MTRES1: variants seen among roughly 807,000 people sequenced by gnomAD.
MTRES1 encodes the protein uncharacterized protein C6orf203.
A neutral mutation model predicts 17.4 loss-of-function variants in MTRES1; 11 were observed. That is an observed-to-expected ratio of 0.63 (90% CI 0.40 to 1.05). The LOEUF is 1.05. MTRES1 is among the 50% of genes least tolerant of loss of function. The pLI is 0.00. For synonymous variants in MTRES1, 94 were observed against 99.6 expected (o/e 0.94, Z 0.34); for missense variants, 268 against 276.2 (o/e 0.97, Z 0.21).
Position 107,037,095 on chromosome 6 carries a change from A to G in MTRES1, c.-12-2654A>G, listed in dbSNP as rs528952505. On this transcript the variant is annotated intron_variant, in intron 1 of 3. Coordinates refer to ENST00000311381, the MANE Select transcript of MTRES1 (RefSeq NM_016487.5). ...CGCCTAGCCTAGTTACCTTTAAAAA[A>G]AAAGTTTTTTTAATTGTACTAATCA... Among the ~76,000 whole-genome samples, 15 of 152,192 alleles carry G rather than the reference A, an allele frequency of 9.9e-5. No individual in the cohort carries two copies. The East Asian group carries it at 2.9e-3, about 29-fold the overall frequency.
Position 107,030,677 on chromosome 6 carries a change from C to T in MTRES1, c.-13+2406C>T, listed in dbSNP as rs909532841. ...GCCTAGAATGTGCCAAAATTTCCGC[C>T]GCCCAGAAAAAAAGCAGGTGTTTAG... is the stretch of plus-strand genomic sequence containing the variant. On this transcript the variant is annotated intron_variant, in intron 1 of 3. Coordinates refer to ENST00000311381, the MANE Select transcript of MTRES1 (RefSeq NM_016487.5). Among the ~76,000 whole-genome samples, 10 of 152,206 alleles carry T rather than the reference C, an allele frequency of 6.6e-5. No individual in the cohort carries two copies. In the South Asian group the frequency reaches 1.0e-3, roughly 16 times the overall value.
chr6:107,047,713 C>T lies in MTRES1; in HGVS notation c.544-3344C>T, dbSNP rs1774438983. On this transcript the variant is annotated intron_variant, in intron 3 of 3. Coordinates refer to ENST00000311381, the MANE Select transcript of MTRES1 (RefSeq NM_016487.5). ...CAGCCTGGCCAACATGGTGAAACCC[C>T]ATCTCTACTAAAAATACAGAAAGTT... is the stretch of plus-strand genomic sequence containing the variant. Among the ~76,000 whole-genome samples the T allele has an allele frequency of 2.0e-5, 3 of 151,854 alleles. No homozygotes were observed. The South Asian group carries it at 6.3e-4, about 32-fold the overall frequency.
Position 107,043,518 on chromosome 6 carries a change from A to C in MTRES1, c.471-742A>C, listed in dbSNP as rs1484452135. On this transcript the variant is annotated intron_variant, in intron 2 of 3. Coordinates refer to ENST00000311381, the MANE Select transcript of MTRES1 (RefSeq NM_016487.5). ...GAAAACTTAACTACTAATATAGCCTACTGTTGACCAAAGGCCTTACTGATA... is the reference window on the plus strand; with the variant it reads ...GAAAACTTAACTACTAATATAGCCTCCTGTTGACCAAAGGCCTTACTGATA... Among the ~76,000 whole-genome samples, 17 of 152,318 alleles carry C rather than the reference A, an allele frequency of 1.1e-4. No individual in the cohort carries two copies. In the South Asian group the frequency reaches 3.3e-3, roughly 30 times the overall value.
intron 1 of MTRES1, among the ~76,000 whole-genome samples, chr6:107,037,755 A>G (rs567835501): frequency 4.6e-5 from 7 of 152,162 alleles, no homozygotes; most frequent in Admixed American, 2.0e-4. Context: ...GTCTCACTCT[A>G]TCGCCCAGGC....
intron 3 of MTRES1, among the ~76,000 whole-genome samples, chr6:107,049,995 A>G (rs1554228960): frequency 6.6e-6 from 1 of 152,166 alleles, no homozygotes; most frequent in East Asian, 1.9e-4. Flanking sequence ...TGCTGGGATT[A>G]CAGGTGTGAA....
chr6:107,042,791 T>G (rs1342434288), intron 2 of MTRES1, among the ~76,000 whole-genome samples: 2 of 152,180 alleles, frequency 1.3e-5, no homozygotes, highest in Non-Finnish European at 2.9e-5. Context: ...AGCCTGGCCA[T>G]GTAGTCTCTG....
At chr6:107,043,900 G>A (rs532453748) in intron 2 of MTRES1, among the ~76,000 whole-genome samples, 5 of 152,316 alleles carry the variant, frequency 3.3e-5, no homozygotes, top group Admixed American at 3.3e-4. Context: ...AGGCCAAGGC[G>A]GGCGGATCAC....
intron 2 of MTRES1, among the ~76,000 whole-genome samples, chr6:107,042,192 T>C (rs1486805894): frequency 6.6e-6 from 1 of 151,392 alleles, no homozygotes; most frequent in African/African-American, 2.4e-5. Context: ...TACAAAAAAT[T>C]GGCCGGGCGT....
chr6:107,037,493 A>C (rs967604285), intron 1 of MTRES1, among the ~76,000 whole-genome samples: 6 of 152,216 alleles, frequency 3.9e-5, no homozygotes, highest in Non-Finnish European at 5.9e-5. Flanking sequence ...TACAGGCGTG[A>C]GCCTGTACCC....
chr6:107,047,417 A>G (rs1304332079), intron 3 of MTRES1, among the ~76,000 whole-genome samples: 1 of 151,716 alleles, frequency 6.6e-6, no homozygotes, highest in Non-Finnish European at 1.5e-5. Context: ...ACAGGGTCTC[A>G]CTGTGTGGTC....
intron 1 of MTRES1, among the ~76,000 whole-genome samples, chr6:107,035,926 G>A (rs1306328438): frequency 6.6e-6 from 1 of 152,084 alleles, no homozygotes; most frequent in South Asian, 2.1e-4. Context: ...TGGGATTACA[G>A]GTGTGAACCA....
intron 1 of MTRES1, among the ~76,000 whole-genome samples, chr6:107,037,909 G>T (rs1444634499): frequency 3.3e-5 from 5 of 151,910 alleles, no homozygotes; most frequent in African/African-American, 1.2e-4. Flanking sequence ...AGTAGAGATG[G>T]GGTTTCATCA....
chr6:107,047,054 G>A (rs376427726), intron 3 of MTRES1, among the ~76,000 whole-genome samples: 2 of 151,030 alleles, frequency 1.3e-5, no homozygotes, highest in Admixed American at 6.6e-5. Flanking sequence ...CACCTGCCTC[G>A]GCCTCCCAAA....
At chr6:107,043,951 AC>A (rs1288458765) in intron 2 of MTRES1, among the ~76,000 whole-genome samples, 10 of 152,228 alleles carry the variant, frequency 6.6e-5, no homozygotes, top group African/African-American at 2.4e-4. Flanking sequence ...ACATAGTGAA[AC>A]CCTGTCTCTA....
intron 1 of MTRES1, among the ~76,000 whole-genome samples, chr6:107,034,965 C>T (rs1448742082): frequency 1.3e-5 from 2 of 151,678 alleles, no homozygotes; most frequent in African/African-American, 4.8e-5. Context: ...CCAACCTGGG[C>T]AACAAGAGTG....
intron 1 of MTRES1, among the ~76,000 whole-genome samples, chr6:107,030,504 G>A (rs1257877650): frequency 6.6e-6 from 1 of 152,152 alleles, no homozygotes; most frequent in African/African-American, 2.4e-5. Flanking sequence ...GAGGAAACCC[G>A]GTGCAGTCTT....
At chr6:107,043,083 G>A (rs1554227947) in intron 2 of MTRES1, among the ~76,000 whole-genome samples, 1 of 152,134 alleles carries the variant, frequency 6.6e-6, no homozygotes, top group African/African-American at 2.4e-5. Context: ...TGTAATCCCA[G>A]CACTTTGGGA....
At chr6:107,041,524 T>C (rs373384480) in intron 2 of MTRES1, among the ~76,000 whole-genome samples, 2 of 152,230 alleles carry the variant, frequency 1.3e-5, no homozygotes, top group African/African-American at 4.8e-5. Context: ...TTTTTTTGTT[T>C]TTTGTTTTTT....
Position 107,051,409 on chromosome 6 carries a change from TCCACCC to T in MTRES1, c.*176_*181del. On this transcript the variant is annotated 3_prime_UTR_variant, in exon 4 of 4. Coordinates refer to ENST00000311381, the MANE Select transcript of MTRES1 (RefSeq NM_016487.5). ...GACACTTCCCAAGGCCTGCCTCACC[TCCACCC>T]CCTGCCCACCTTGATCCATGCTCCT... The T allele has an allele frequency of 1.8e-6, 1 of 568,504 alleles. No individual in the cohort carries two copies. Among genetic ancestry groups the T allele is most frequent in the South Asian group, 2.1e-5 (1 of 47,364 alleles). The allele number at this position is 568,504 out of a possible 1,614,324, so 35.2% of individuals were successfully genotyped here.
Sources: allele counts gnomAD v4.1 joint callset (sites outside exome capture counted in the v4.1 genomes callset), GRCh38; gene constraint gnomAD v4.1.1; transcripts MANE v1.5; gene names NCBI Gene and HGNC (gene_info 2026-07-23, HGNC 2026-07-21).